The following MYO19 variants were observed in gnomAD, a reference collection of about 807,000 sequenced individuals.
MYO19 encodes myosin XIX, also known as unconventional myosin-XIX.
In MYO19, 132 loss-of-function variants were observed where a neutral mutation model predicts 129.2. The observed-to-expected ratio is 1.02, with a 90% CI of 0.89 to 1.18. The LOEUF (loss-of-function observed/expected upper bound fraction) is 1.18, where lower values mean the gene tolerates loss of function less well. Ranked by LOEUF, MYO19 falls within the 50% of genes most tolerant of loss-of-function variation. The probability of loss-of-function intolerance (pLI) is 0.00; values close to 1 mark genes in which losing one functional copy is unlikely to be tolerated. For synonymous variants in MYO19, 531 were observed against 477.2 expected, an observed-to-expected ratio of 1.11 and a Z score of -1.47; for missense variants, 1,210 against 1,216.7, an observed-to-expected ratio of 0.99 and a Z score of 0.08.
At chr17:36,507,580 G>C (rs116310067) in intron 15 of MYO19, 68 bp from the exon 16 acceptor site, 2 of 1,499,982 alleles carry the variant, frequency 1.3e-6, no homozygotes, top group Non-Finnish European at 9.2e-7. Context: ...GGCCATCCAC[G>C]GCTGGCCTCG....
chr17:36,537,376 G>C, upstream of MYO19: 2 of 1,613,552 alleles, frequency 1.2e-6, no homozygotes, highest in South Asian at 2.2e-5. Flanking sequence ...TTTGGGGCAG[G>C]GCTGTTGTAT....
At chr17:36,514,166 G>C (rs1483973799) in intron 9 of MYO19, among the ~76,000 whole-genome samples, 1 of 152,198 alleles carries the variant, frequency 6.6e-6, no homozygotes, top group Admixed American at 6.5e-5. Context: ...AAAATGATAA[G>C]AGTGACACGG....
At chr17:36,537,778 A>G (rs1337758912), upstream of MYO19, 1 of 1,614,064 alleles carries the variant, frequency 6.2e-7, no homozygotes, top group Non-Finnish European at 8.5e-7. Flanking sequence ...ATAGGCTATC[A>G]GGAACATTTA....
intron 11 of MYO19, among the ~76,000 whole-genome samples, chr17:36,511,831 T>C (rs948890172): frequency 9.9e-5 from 15 of 152,122 alleles, no homozygotes; most frequent in Admixed American, 7.2e-4. Flanking sequence ...GACTGGTGAC[T>C]GGGGGCAGGG....
rs770769892 is a variant in MYO19 at position 36,510,819 on chromosome 17, C to T, written c.1084G>A (p.Val362Met). Residue 362 changes from valine to methionine, a missense_variant, in exon 13 of 26, where the codon GTG becomes ATG. By Grantham distance (21) the Val-to-Met change is conservative (BLOSUM62 1). Coordinates refer to ENST00000614623, the MANE Select transcript of MYO19 (RefSeq NM_001163735.2). ...RTIRAGRQQQ[V>M]FRKPCARAEC... ...GCTCGGGCGCAGGGCTTCCGGAACA[C>T]CTGCTGCTGTCTGCCTGCCCTGATG... 10 of 1,591,976 alleles carry T rather than the reference C, an allele frequency of 6.3e-6. No individual in the cohort carries two copies. Among genetic ancestry groups the T allele is most frequent in the Admixed American group, 1.8e-5 (1 of 57,138 alleles).
intron 21 of MYO19, among the ~76,000 whole-genome samples, chr17:36,502,154 G>GC (rs533842316): frequency 6.6e-6 from 1 of 152,112 alleles, no homozygotes; most frequent in Non-Finnish European, 1.5e-5. Context: ...CCGAGGCGGG[G>GC]CCCCCCGGCA....
Position 36,504,038 on chromosome 17 carries a change from C to T in MYO19, c.1906-18G>A. On this transcript the variant is annotated intron_variant, in intron 19 of 25. Coordinates refer to ENST00000614623, the MANE Select transcript of MYO19 (RefSeq NM_001163735.2). ...CTCAGGACCTGCAAGGGTGGGGAGA[C>T]AGGGCAGGCACCTGCAGCATGGGGC... The T allele has an allele frequency of 6.5e-7, 1 of 1,546,572 alleles. No homozygotes were observed. Among genetic ancestry groups the T allele is most frequent in the Non-Finnish European group, 8.7e-7 (1 of 1,149,854 alleles).
At chr17:36,520,040 A>C (rs1056311878) in intron 6 of MYO19, among the ~76,000 whole-genome samples, 5 of 151,824 alleles carry the variant, frequency 3.3e-5, no homozygotes, top group Non-Finnish European at 2.9e-5. Context: ...CTCTGTCATG[A>C]TCTTGGCTCA....
At chr17:36,507,974 GA>G (rs776516049) in intron 14 of MYO19, 50 bp from the exon 15 acceptor site, 6 of 1,524,894 alleles carry the variant, frequency 3.9e-6, no homozygotes, top group Middle Eastern at 1.8e-4. Flanking sequence ...AGCAGATGGG[GA>G]ATAGGGGACC....
At chr17:36,531,053 A>G (rs904678486) in intron 3 of MYO19, among the ~76,000 whole-genome samples, 2 of 152,018 alleles carry the variant, frequency 1.3e-5, no homozygotes, top group African/African-American at 2.4e-5. Context: ...TTGTCTACAG[A>G]GTGAGACTCC....
chr17:36,513,131 G>C, intron 11 of MYO19: 1 of 1,379,998 alleles, frequency 7.2e-7, no homozygotes, highest in African/African-American at 1.5e-5. Flanking sequence ...AAGCAAGGCG[G>C]TAGCACTAGT....
In MYO19 at chr17:36,527,450, C is replaced by A. The variant is rs537587513; in HGVS notation, c.300+101G>T. 8.2e-5 allele frequency: 111 copies of A among 1,350,062 alleles called. 2 individuals carry two copies. In the South Asian group the frequency reaches 1.3e-3, roughly 15 times the overall value. The allele number at this position is 1,350,062 out of a possible 1,614,324, so 83.6% of individuals were successfully genotyped here. Reference sequence around the variant, plus strand: ...GTGGCACTAGCAGACTCTGAATGACCACATTGCTGGTGAATAGATGAATAA... The same window carrying A: ...GTGGCACTAGCAGACTCTGAATGACAACATTGCTGGTGAATAGATGAATAA... On this transcript the variant is annotated intron_variant, in intron 5 of 25. Transcript: ENST00000614623.
intron 24 of MYO19, 75 bp from the exon 25 acceptor site, chr17:36,498,634 C>T (rs2071221986): frequency 6.9e-7 from 1 of 1,449,268 alleles, no homozygotes; most frequent in Non-Finnish European, 9.2e-7. Context: ...TCAAAACTAT[C>T]TTTAACAAAT....
intron 3 of MYO19, 105 bp downstream of exon 3, chr17:36,532,422 G>C: frequency 7.4e-7 from 1 of 1,353,562 alleles, no homozygotes; most frequent in East Asian, 2.5e-5. Flanking sequence ...AATTTGAGGA[G>C]AGAAAAGAGA....
At position 36,510,779 on chromosome 17, in the gene MYO19, C is replaced by A; in HGVS notation, c.1124G>T (p.Arg375Leu). The change falls in exon 13 of 26, where the codon CGT (arginine) becomes CTT (leucine). Residue 375 changes from arginine to leucine, a missense_variant. By Grantham distance (102) the Arg-to-Leu change is moderately radical (BLOSUM62 -2). Transcript: ENST00000614623. ...KPCARAECDT[R>L]RDCLAKLIYA... ...GATCAGTTTGGCCAGGCAGTCTCTA[C>A]GGGTGTCACACTCGGCTCGGGCGCA... 6.2e-7 allele frequency: 1 copy of A among 1,608,018 alleles called. No homozygotes were observed.
At chr17:36,511,518 G>A in intron 11 of MYO19, 63 bp from the exon 12 acceptor site, 1 of 1,434,648 alleles carries the variant, frequency 7.0e-7, no homozygotes, top group Non-Finnish European at 9.6e-7. Flanking sequence ...ACTCTGGGAA[G>A]GGCCGTTCTG....
chr17:36,512,283 G>A (rs1268789421), intron 11 of MYO19, among the ~76,000 whole-genome samples: 10 of 150,034 alleles, frequency 6.7e-5, no homozygotes, highest in Admixed American at 4.6e-4. Context: ...CCAGCTACTC[G>A]GAGGCTGAGG....
In MYO19 at chr17:36,495,945, T is replaced by A; in HGVS notation, c.*306A>T. 1.0e-6 allele frequency: 1 copy of A among 997,072 alleles called. No individual in the cohort carries two copies. The highest frequency in any genetic ancestry group is 1.3e-6 in the Non-Finnish European group (1 of 767,860). The allele number at this position is 997,072 out of a possible 1,614,324, so 61.8% of individuals were successfully genotyped here. A position where few individuals can be genotyped will look rare whatever the true frequency, so the allele number is the denominator to read the frequency against. ...GCTTATGTGGAATTGGGATCCCCAG[T>A]GTAGTGACAGACAGTCATGACTGCT... On this transcript the variant is annotated 3_prime_UTR_variant, in exon 26 of 26. Coordinates refer to ENST00000614623, the MANE Select transcript of MYO19 (RefSeq NM_001163735.2).
chr17:36,507,376 G>A (rs766565154), intron 16 of MYO19, 23 bp downstream of exon 16: 19 of 1,600,618 alleles, frequency 1.2e-5, no homozygotes, highest in East Asian at 6.7e-5. Flanking sequence ...TCTGGTGCTC[G>A]GCTCATTAGC....
Sources: allele counts gnomAD v4.1 joint callset (sites outside exome capture counted in the v4.1 genomes callset), GRCh38; gene constraint gnomAD v4.1.1; transcripts MANE v1.5; gene names NCBI Gene and HGNC (gene_info 2026-07-23, HGNC 2026-07-21).